GRIK1: variants seen among roughly 807,000 people sequenced by gnomAD.
GRIK1 encodes glutamate receptor ionotropic, kainate 1.
GRIK1 carries 69 observed loss-of-function variants against 105.7 expected under a neutral mutation model. The observed-to-expected ratio is 0.65, with a 90% confidence interval of 0.54 to 0.80. The LOEUF (loss-of-function observed/expected upper bound fraction) is 0.80. Ranked by LOEUF, GRIK1 falls within the 30% of genes least tolerant of loss-of-function variation. GRIK1 has a pLI of 0.00. For synonymous variants in GRIK1, 438 were observed against 431.3 expected, an observed-to-expected ratio of 1.02 and a Z score of -0.19; for missense variants, 1,109 against 1,167.3, an observed-to-expected ratio of 0.95 and a Z score of 0.73.
At chr21:29,751,092 A>G (rs543626611) in intron 1 of GRIK1, among the ~76,000 whole-genome samples, 2 of 152,274 alleles carry the variant, frequency 1.3e-5, no homozygotes, top group African/African-American at 2.4e-5. Flanking sequence ...GGAATTTCAC[A>G]AGGTAATGTC....
At chr21:29,769,038 T>G (rs928903053) in intron 1 of GRIK1, among the ~76,000 whole-genome samples, 1 of 152,214 alleles carries the variant, frequency 6.6e-6, no homozygotes, top group African/African-American at 2.4e-5. Flanking sequence ...TTTTTTTTCT[T>G]AATGATTATT....
chr21:29,732,799 G>A (rs764945474), intron 1 of GRIK1, among the ~76,000 whole-genome samples: 16 of 152,118 alleles, frequency 1.1e-4, no homozygotes, highest in South Asian at 4.1e-4. Context: ...CTGAATTTCC[G>A]TGAGATTAAT....
chr21:29,705,993 C>A (rs921292235), intron 1 of GRIK1, among the ~76,000 whole-genome samples: 1 of 151,754 alleles, frequency 6.6e-6, no homozygotes, highest in Non-Finnish European at 1.5e-5. Flanking sequence ...CCTGCCTCAG[C>A]CTCCTGAGTA....
intron 1 of GRIK1, among the ~76,000 whole-genome samples, chr21:29,922,104 G>T (rs1029758878): frequency 6.6e-6 from 1 of 151,990 alleles, no homozygotes; most frequent in Non-Finnish European, 1.5e-5. Flanking sequence ...TCCGCTCTTG[G>T]GTTACATGCA....
intron 3 of GRIK1, among the ~76,000 whole-genome samples, chr21:29,684,137 A>T (rs1040921364): frequency 3.3e-5 from 5 of 152,240 alleles, no homozygotes; most frequent in African/African-American, 1.2e-4. Context: ...TATTTTGTTC[A>T]TTAGAGAAAC....
At position 29,624,554 on chromosome 21, in the gene GRIK1, C is replaced by A. The variant is rs371140243; in HGVS notation, c.1098+18272G>T. Among the ~76,000 whole-genome samples the A allele has an allele frequency of 1.3e-3, 195 of 152,304 alleles. 1 individual carries two copies. Among genetic ancestry groups the A allele is most frequent in the African/African-American group, 4.3e-3 (180 of 41,566 alleles). On this transcript the variant is annotated intron_variant, in intron 7 of 17. Transcript: ENST00000327783. ...AACATTTATAACCAAAAGGTCAGCTCAAGTTATAACTTTTGTCAAAACCTG... is the reference window on the plus strand; with the variant it reads ...AACATTTATAACCAAAAGGTCAGCTAAAGTTATAACTTTTGTCAAAACCTG...
chr21:29,602,722 T>C (rs898930431), intron 7 of GRIK1, among the ~76,000 whole-genome samples: 7 of 152,132 alleles, frequency 4.6e-5, no homozygotes, highest in African/African-American at 1.7e-4. Flanking sequence ...AAGTAAGAAA[T>C]GATGCGAAAT....
intron 1 of GRIK1, among the ~76,000 whole-genome samples, chr21:29,810,587 A>G (rs935854000): frequency 1.3e-5 from 2 of 152,142 alleles, no homozygotes; most frequent in African/African-American, 4.8e-5. Context: ...GTGTCAATCT[A>G]TGGAAACACA....
intron 1 of GRIK1, among the ~76,000 whole-genome samples, chr21:29,695,728 C>T (rs2146742877): frequency 6.6e-6 from 1 of 152,254 alleles, no homozygotes; most frequent in East Asian, 1.9e-4. Flanking sequence ...CTGCCTCAGC[C>T]TCCCAAAGTG....
chr21:29,591,238 CAG>C lies in GRIK1; in HGVS notation c.1252-15_1252-14del. ...TCCAAATCCCAATCTACACAGAACA[CAG>C]TACATCAGAGGCTGCTGGCTGTCAG... On this transcript the variant is annotated splice_polypyrimidine_tract_variant and intron_variant, in intron 9 of 17. Coordinates refer to ENST00000327783, the MANE Select transcript of GRIK1 (RefSeq NM_001330994.2). The C allele has an allele frequency of 7.0e-7, 1 of 1,434,346 alleles. No homozygotes were observed. Among genetic ancestry groups the C allele is most frequent in the Non-Finnish European group, 9.8e-7 (1 of 1,015,936 alleles). The allele number at this position is 1,434,346 out of a possible 1,614,324, so 88.9% of individuals were successfully genotyped here.
At chr21:29,646,384 AAG>A (rs1310031315) in intron 6 of GRIK1, among the ~76,000 whole-genome samples, 3 of 152,160 alleles carry the variant, frequency 2.0e-5, no homozygotes, top group Non-Finnish European at 4.4e-5. Context: ...GGATACTTGG[AAG>A]TTCATGCTTT....
chr21:29,583,264 C>T (rs1354245273), intron 12 of GRIK1, among the ~76,000 whole-genome samples: 6 of 152,116 alleles, frequency 3.9e-5, no homozygotes, highest in African/African-American at 1.4e-4. Flanking sequence ...TGAATTTGCA[C>T]ACTCTTATAG....
chr21:29,610,451 G>A (rs2061706851), intron 7 of GRIK1, among the ~76,000 whole-genome samples: 1 of 152,116 alleles, frequency 6.6e-6, no homozygotes, highest in Non-Finnish European at 1.5e-5. Context: ...ATGATGTGAT[G>A]ACAGAAATAG....
intron 1 of GRIK1, among the ~76,000 whole-genome samples, chr21:29,770,713 A>G (rs1056967282): frequency 6.6e-6 from 1 of 152,224 alleles, no homozygotes; most frequent in African/African-American, 2.4e-5. Context: ...TCTAATAAAA[A>G]TATCTTATTT....
chr21:29,685,081 A>T (rs2063463851), intron 3 of GRIK1, among the ~76,000 whole-genome samples: 1 of 152,166 alleles, frequency 6.6e-6, no homozygotes. Context: ...ATATACACTA[A>T]GACACTATCT....
chr21:29,791,511 G>T (rs2066416317), intron 1 of GRIK1, among the ~76,000 whole-genome samples: 1 of 151,950 alleles, frequency 6.6e-6, no homozygotes, highest in African/African-American at 2.4e-5. Flanking sequence ...AAGGGAAGTG[G>T]GGGGGGAATT....
intron 1 of GRIK1, among the ~76,000 whole-genome samples, chr21:29,793,521 TTCCTTCTCCTCC>T (rs1420139836): frequency 1.3e-5 from 2 of 151,408 alleles, no homozygotes; most frequent in Non-Finnish European, 2.9e-5. Flanking sequence ...TCTCTGCCTT[TTCCTTCTCCTCC>T]TCCTTCTCCC....
At chr21:29,551,125 A>G (rs966101017) in intron 16 of GRIK1, among the ~76,000 whole-genome samples, 2 of 152,192 alleles carry the variant, frequency 1.3e-5, no homozygotes, top group African/African-American at 4.8e-5. Context: ...CTGCAATCTA[A>G]TAGGCTTCAG....
chr21:29,782,028 T>C (rs1320047246), intron 1 of GRIK1, among the ~76,000 whole-genome samples: 1 of 151,944 alleles, frequency 6.6e-6, no homozygotes, highest in Non-Finnish European at 1.5e-5. Context: ...TACTCATTCC[T>C]TAGTGATGGG....
Sources: allele counts gnomAD v4.1 joint callset (sites outside exome capture counted in the v4.1 genomes callset), GRCh38; gene constraint gnomAD v4.1.1; transcripts MANE v1.5; gene names NCBI Gene and HGNC (gene_info 2026-07-23, HGNC 2026-07-21).